The following LRBA variants were observed in gnomAD, a reference collection of about 807,000 sequenced individuals.
The protein encoded by LRBA is lipopolysaccharide-responsive and beige-like anchor protein.
A neutral mutation model predicts 330.0 loss-of-function variants in LRBA; 176 were observed. The observed-to-expected ratio is 0.53, with a 90% confidence interval of 0.47 to 0.60. LRBA has a LOEUF of 0.60. LRBA is among the 20% of genes least tolerant of loss of function. The pLI is 0.00. For missense variants in LRBA, 3,259 were observed against 3,444.8 expected, an observed-to-expected ratio of 0.95 and a Z score of 1.35; for synonymous variants, 1,230 against 1,193.0, an observed-to-expected ratio of 1.03 and a Z score of -0.64.
chr4:150,440,600 A>G (rs777603341), intron 44 of LRBA, among the ~76,000 whole-genome samples: 1 of 152,026 alleles, frequency 6.6e-6, no homozygotes, highest in East Asian at 1.9e-4. Flanking sequence ...ACATGATGAG[A>G]TCCTGTCTCT....
chr4:150,358,850 C>T (rs181192522), intron 47 of LRBA, among the ~76,000 whole-genome samples: 116 of 152,292 alleles, frequency 7.6e-4, no homozygotes, highest in Non-Finnish European at 8.7e-4. Flanking sequence ...TACTAGCAGT[C>T]TCTTGCCTTT....
At chr4:150,956,398 C>CAA (rs79858829) in intron 2 of LRBA, among the ~76,000 whole-genome samples, 1 of 143,998 alleles carries the variant, frequency 6.9e-6, no homozygotes, top group South Asian at 2.1e-4. Context: ...AAAAACAAAA[C>CAA]AAAAAAAAAA....
At chr4:150,315,721 T>C in intron 50 of LRBA, 98 bp from the exon 51 acceptor site, 1 of 741,572 alleles carries the variant, frequency 1.3e-6, no homozygotes, top group Non-Finnish European at 2.1e-6. Flanking sequence ...TTGTTTCCAA[T>C]CTCTAAATCT....
At chr4:150,804,733 CA>C (rs954681636) in intron 33 of LRBA, among the ~76,000 whole-genome samples, 17 of 152,116 alleles carry the variant, frequency 1.1e-4, no homozygotes, top group African/African-American at 2.4e-5. Flanking sequence ...CCAGATTTAG[CA>C]ACCACCTAAT....
intron 36 of LRBA, among the ~76,000 whole-genome samples, chr4:150,702,803 A>C (rs537574348): frequency 1.3e-5 from 2 of 152,354 alleles, no homozygotes; most frequent in South Asian, 4.1e-4. Flanking sequence ...AAAAAATCCA[A>C]GTATTATACA....
At chr4:150,508,367 C>A (rs1159374349) in intron 40 of LRBA, among the ~76,000 whole-genome samples, 2 of 151,762 alleles carry the variant, frequency 1.3e-5, no homozygotes, top group Admixed American at 6.6e-5. Context: ...ACTGCAACCT[C>A]TGCCTCCTGG....
At chr4:150,470,102 G>C (rs1419417322) in intron 43 of LRBA, among the ~76,000 whole-genome samples, 1 of 152,170 alleles carries the variant, frequency 6.6e-6, no homozygotes, top group Non-Finnish European at 1.5e-5. Flanking sequence ...AGAATCGCTT[G>C]AACCTGGGAG....
Position 150,265,793 on chromosome 4 carries a change from C to G in LRBA, c.8488G>C (p.Ala2830Pro), listed in dbSNP as rs1223522600. 6.2e-7 allele frequency: 1 copy of G among 1,612,696 alleles called. No individual in the cohort carries two copies. The highest frequency in any genetic ancestry group is 2.2e-5 in the East Asian group (1 of 44,860). ...YDQRCIISGMASGSIVLFYND... is the reference protein window; with the variant it reads ...YDQRCIISGMPSGSIVLFYND... ...TAAAATAGCACAATGCTTCCTGAAG[C>G]CATGCCAGAAATGATGCACCTAGGA... The change falls in exon 57 of 57, where the codon GCT (alanine) becomes CCT (proline). Residue 2830 changes from alanine to proline, a missense_variant. Coordinates refer to ENST00000651943, the MANE Select transcript of LRBA (RefSeq NM_001364905.1).
In LRBA at chr4:150,881,921, T is replaced by C. The variant is rs544179936; in HGVS notation, c.2166-9166A>G. ...GACCAACATGGCAAAACCCTGTCTC[T>C]ATTAAAAATACAAAATTAGTTGGGT... On this transcript the variant is annotated intron_variant, in intron 17 of 56. Transcript: ENST00000651943. Among the ~76,000 whole-genome samples, 5 of 152,228 alleles carry C rather than the reference T, an allele frequency of 3.3e-5. No homozygotes were observed. The South Asian group carries it at 1.0e-3, about 32-fold the overall frequency.
intron 38 of LRBA, among the ~76,000 whole-genome samples, chr4:150,594,611 C>T (rs1053466797): frequency 6.6e-6 from 1 of 151,876 alleles, no homozygotes; most frequent in Non-Finnish European, 1.5e-5. Context: ...TAAGAAATGC[C>T]TTTTATTCTG....
Position 150,872,712 on chromosome 4 carries a change from C to T in LRBA, c.2209G>A (p.Val737Ile), listed in dbSNP as rs151213445. The T allele has an allele frequency of 2.3e-4, 373 of 1,608,366 alleles. 3 individuals are homozygous for T. The Middle Eastern group carries it at 3.0e-3, about 13-fold the overall frequency. Reference sequence around the variant, plus strand: ...TAACCCATTGCCTTAAGAGCTTGTACCCTGATTCCTTCACTTTTCGATGCC... The same window carrying T: ...TAACCCATTGCCTTAAGAGCTTGTATCCTGATTCCTTCACTTTTCGATGCC... ...LLASKSEGIR[V>I]QALKAMGYFL... Residue 737 changes from valine (V) to isoleucine (I), a missense_variant, in exon 18 of 57, where the codon GTA (valine) becomes ATA (isoleucine). Val to Ile is a conservative substitution (Grantham distance 29). Coordinates refer to ENST00000651943, the MANE Select transcript of LRBA (RefSeq NM_001364905.1).
At chr4:150,766,071 A>G (rs1401743186) in intron 34 of LRBA, among the ~76,000 whole-genome samples, 1 of 152,094 alleles carries the variant, frequency 6.6e-6, no homozygotes, top group Non-Finnish European at 1.5e-5. Context: ...TATTACTAGT[A>G]ATACATTATG....
intron 54 of LRBA, among the ~76,000 whole-genome samples, chr4:150,283,601 C>T (rs886516966): frequency 1.3e-5 from 2 of 152,158 alleles, no homozygotes; most frequent in South Asian, 4.1e-4. Context: ...AGGCTTTTAG[C>T]TCTTTCTTGA....
At chr4:150,777,972 C>T (rs1342161471) in intron 34 of LRBA, among the ~76,000 whole-genome samples, 4 of 65,652 alleles carry the variant, frequency 6.1e-5, no homozygotes, top group African/African-American at 1.1e-4. Context: ...GACTCTGTTT[C>T]AAAAAAAAAA....
intron 40 of LRBA, among the ~76,000 whole-genome samples, chr4:150,492,192 G>C (rs1420473249): frequency 1.4e-5 from 2 of 138,718 alleles, no homozygotes; most frequent in Non-Finnish European, 1.6e-5. Context: ...AAAAAAAAGA[G>C]TAACAAACCT....
intron 40 of LRBA, among the ~76,000 whole-genome samples, chr4:150,516,215 CTCTTTT>C (rs1413944152): frequency 4.4e-4 from 38 of 86,670 alleles, no homozygotes; most frequent in African/African-American, 1.3e-3. Context: ...ATTTTCTATT[CTCTTTT>C]TTTTTTTTTT....
intron 42 of LRBA, among the ~76,000 whole-genome samples, chr4:150,473,365 T>C (rs536298360): frequency 1.3e-4 from 20 of 152,216 alleles, no homozygotes; most frequent in Non-Finnish European, 2.6e-4. Context: ...TAATTTTATG[T>C]GTCAGCTTGA....
chr4:150,818,032 T>C (rs1282357655), intron 30 of LRBA, among the ~76,000 whole-genome samples: 1 of 152,126 alleles, frequency 6.6e-6, no homozygotes, highest in African/African-American at 2.4e-5. Flanking sequence ...GTGTTAACCA[T>C]AAGCCCAAAG....
At chr4:150,825,032 G>A (rs1206883900) in intron 30 of LRBA, among the ~76,000 whole-genome samples, 1 of 151,424 alleles carries the variant, frequency 6.6e-6, no homozygotes, top group Non-Finnish European at 1.5e-5. Context: ...ACAAAATGCT[G>A]GAATTGCAGG....
Sources: gnomAD v4.1 joint callset for allele counts (sites outside exome capture counted in the v4.1 genomes callset) on GRCh38, gnomAD v4.1.1 for gene constraint, MANE v1.5 for transcripts, NCBI Gene and HGNC (gene_info 2026-07-23, HGNC 2026-07-21) for gene names.